The following RMI2 variants were observed in gnomAD, a reference collection of about 807,000 sequenced individuals.
The protein encoded by RMI2 is recQ-mediated genome instability protein 2.
RMI2 carries 11 observed loss-of-function variants against 8.4 expected under a neutral mutation model. That is an observed-to-expected ratio of 1.32 (90% CI 0.83 to 2.18). The LOEUF (loss-of-function observed/expected upper bound fraction) is 2.18. Among genes scored for constraint, RMI2 ranks in the 30% most tolerant of loss-of-function variants. RMI2 has a pLI of 0.00. For synonymous variants in RMI2, 105 were observed against 93.8 expected (o/e 1.12, Z -0.69); for missense variants, 253 against 207.5 (o/e 1.22, Z -1.35).
intron 1 of RMI2, among the ~76,000 whole-genome samples, chr16:11,346,101 C>T (rs189817364): frequency 6.6e-6 from 1 of 152,322 alleles, no homozygotes; most frequent in South Asian, 2.1e-4. Flanking sequence ...TTGGGAAATA[C>T]TGTCCTGGGA....
rs955636957 is a variant in RMI2, at chr16:11,350,632, C to A, written c.296-10C>A. ...AAGAACATTACTATGGGCTTTTCTT[C>A]TTTTTCTAGGAAAGTATGTGATGGT... On this transcript the variant is annotated splice_polypyrimidine_tract_variant and intron_variant, in intron 1 of 1. Transcript: ENST00000312499. 6.5e-7 allele frequency: 1 copy of A among 1,536,740 alleles called. No individual in the cohort carries two copies. The highest frequency in any genetic ancestry group is 1.2e-5 in the South Asian group (1 of 80,636).
intron 1 of RMI2, among the ~76,000 whole-genome samples, chr16:11,346,498 T>G: frequency 6.6e-6 from 1 of 152,118 alleles, no homozygotes. Context: ...TGGCCTCAAG[T>G]GATCTGCTCA....
rs1305290798 is a variant in RMI2, at chr16:11,350,990, TTGC to T, written c.*202_*204del. Reference sequence around the variant, plus strand: ...TCAGTGACACAGCCTCTGCTGCCCCTTGCTTTGCCTGTGTTTGCTGATGAAAAG... The same window carrying T: ...TCAGTGACACAGCCTCTGCTGCCCCTTTTGCCTGTGTTTGCTGATGAAAAG... On this transcript the variant is annotated 3_prime_UTR_variant, in exon 2 of 2. Coordinates refer to ENST00000312499, the MANE Select transcript of RMI2 (RefSeq NM_152308.3). 4 of 427,936 alleles carry T rather than the reference TTGC, an allele frequency of 9.3e-6. No homozygotes were observed. The highest frequency in any genetic ancestry group is 6.0e-4 in the Middle Eastern group (1 of 1,666). The allele number at this position is 427,936 out of a possible 1,614,324, so 26.5% of individuals were successfully genotyped here.
chr16:11,346,257 T>C (rs1017450058), intron 1 of RMI2, among the ~76,000 whole-genome samples: 2 of 105,724 alleles, frequency 1.9e-5, no homozygotes, highest in South Asian at 2.8e-4. Context: ...CCTCCTCTCT[T>C]TTTTTTTTTT....
At chr16:11,347,815 C>G (rs2070898946) in intron 1 of RMI2, among the ~76,000 whole-genome samples, 1 of 152,234 alleles carries the variant, frequency 6.6e-6, no homozygotes, top group African/African-American at 2.4e-5. Context: ...GAATCTCGCT[C>G]TGTCTCTCAG....
At chr16:11,347,295 C>T (rs1190987311) in intron 1 of RMI2, among the ~76,000 whole-genome samples, 3 of 152,182 alleles carry the variant, frequency 2.0e-5, no homozygotes, top group South Asian at 2.1e-4. Flanking sequence ...TCCCTCACCT[C>T]AGCTCCCTCT....
In RMI2 at chr16:11,350,871, C is replaced by G. The variant is rs993281193; in HGVS notation, c.*81C>G. ...TATAATGATGTGGATTTCATGGACA[C>G]TTTTCAATGCGTATTTTTCAAATGC... On this transcript the variant is annotated 3_prime_UTR_variant, in exon 2 of 2. Transcript: ENST00000312499. 45 of 1,160,216 alleles carry G rather than the reference C, an allele frequency of 3.9e-5. No homozygotes were observed. The South Asian group carries it at 6.8e-4, about 18-fold the overall frequency. The allele number at this position is 1,160,216 out of a possible 1,614,324, so 71.9% of individuals were successfully genotyped here.
intron 1 of RMI2, among the ~76,000 whole-genome samples, chr16:11,350,089 C>G (rs2070944522): frequency 1.3e-5 from 2 of 152,198 alleles, no homozygotes; most frequent in Admixed American, 1.3e-4. Flanking sequence ...CAGAGGGTGT[C>G]TGCAGAAAGA....
At chr16:11,350,068 T>G (rs2070944196) in intron 1 of RMI2, among the ~76,000 whole-genome samples, 1 of 152,134 alleles carries the variant, frequency 6.6e-6, no homozygotes, top group Non-Finnish European at 1.5e-5. Flanking sequence ...ATTGGATTGC[T>G]TAGTAACTGT....
intron 1 of RMI2, among the ~76,000 whole-genome samples, chr16:11,346,899 A>T (rs751758913): frequency 1.6e-4 from 24 of 152,194 alleles, no homozygotes; most frequent in Non-Finnish European, 3.1e-4. Flanking sequence ...TTTGGGGGCC[A>T]TACTTTGAGA....
Position 11,345,501 on chromosome 16 carries a change from C to A in RMI2, c.30C>A (p.Gly10=), listed in dbSNP as rs1483746131. 16 of 1,311,856 alleles carry A rather than the reference C, an allele frequency of 1.2e-5. No homozygotes were observed. Among genetic ancestry groups the A allele is most frequent in the Non-Finnish European group, 2.0e-6 (2 of 1,025,502 alleles). The allele number at this position is 1,311,856 out of a possible 1,614,324, so 81.3% of individuals were successfully genotyped here. A position where few individuals can be genotyped will look rare whatever the true frequency, so the allele number is the denominator to read the frequency against. The change falls in exon 1 of 2, where the codon GGC becomes GGA. Residue 10 remains glycine, a synonymous_variant. Coordinates refer to ENST00000312499, the MANE Select transcript of RMI2 (RefSeq NM_152308.3). ...CGGCGGCTGCGGACTCGTTCTCAGG[C>A]GGCCCCGCGGGGGTGCGGCTTCCGA... MAAAADSFS[G]GPAGVRLPRS... is the part of the protein sequence containing the mutation.
At position 11,349,716 on chromosome 16, in the gene RMI2, G is replaced by T. The variant is rs1355739153; in HGVS notation, c.296-926G>T. Reference sequence around the variant, plus strand: ...AGGGGTCAGCTTGCCTGGGGCTTCAGTCAAAGCCCCAGGCCCCACGTGCAG... The same window carrying T: ...AGGGGTCAGCTTGCCTGGGGCTTCATTCAAAGCCCCAGGCCCCACGTGCAG... On this transcript the variant is annotated intron_variant, in intron 1 of 1. Coordinates refer to ENST00000312499, the MANE Select transcript of RMI2 (RefSeq NM_152308.3). The surrounding 1 kb of genome is among the most constrained non-coding windows in gnomAD (Gnocchi z 4.2). Among the ~76,000 whole-genome samples the T allele has an allele frequency of 6.6e-6, 1 of 152,186 alleles. No individual in the cohort carries two copies. The highest frequency in any genetic ancestry group is 1.5e-5 in the Non-Finnish European group (1 of 68,026).
Position 11,345,686 on chromosome 16 carries a change from C to A in RMI2, c.215C>A (p.Ala72Asp). ...GRVVMADRGE[A>D]RLRDPSGDFS... is the part of the protein sequence containing the mutation. The stretch of plus-strand genomic sequence containing the variant: ...GTAGTGATGGCGGACCGCGGCGAGG[C>A]TCGGCTGAGGGACCCGAGCGGGGAC... The change falls in exon 1 of 2, where the codon GCT becomes GAT. Residue 72 changes from alanine to aspartate, a missense_variant. Transcript: ENST00000312499. 1 of 1,271,162 alleles carries A rather than the reference C, an allele frequency of 7.9e-7. No homozygotes were observed. Among genetic ancestry groups the A allele is most frequent in the South Asian group, 3.6e-5 (1 of 28,028 alleles). The allele number at this position is 1,271,162 out of a possible 1,614,324, so 78.7% of individuals were successfully genotyped here. A position where few individuals can be genotyped will look rare whatever the true frequency, so the allele number is the denominator to read the frequency against.
chr16:11,345,686 C>G lies in RMI2; in HGVS notation c.215C>G (p.Ala72Gly). ...GTAGTGATGGCGGACCGCGGCGAGG[C>G]TCGGCTGAGGGACCCGAGCGGGGAC... The part of the protein sequence containing the change: ...GRVVMADRGE[A>G]RLRDPSGDFS... Residue 72 changes from alanine (A) to glycine (G), a missense_variant, in exon 1 of 2, where the codon GCT becomes GGT. Ala to Gly is a moderately conservative substitution (Grantham distance 60). Transcript: ENST00000312499. The G allele has an allele frequency of 7.9e-7, 1 of 1,271,162 alleles. No individual in the cohort carries two copies. Among genetic ancestry groups the G allele is most frequent in the Non-Finnish European group, 9.9e-7 (1 of 1,010,344 alleles). 78.7% of individuals were successfully genotyped at this position (1,271,162 alleles called of 1,614,324 possible).
At chr16:11,347,578 C>T (rs1042413484) in intron 1 of RMI2, among the ~76,000 whole-genome samples, 1 of 152,148 alleles carries the variant, frequency 6.6e-6, no homozygotes, top group Non-Finnish European at 1.5e-5. Context: ...AGTACTGCAC[C>T]TGGCTCACAG....
Position 11,351,363 on chromosome 16 carries a change from G to A in RMI2, c.*573G>A, listed in dbSNP as rs147928965. On this transcript the variant is annotated 3_prime_UTR_variant, in exon 2 of 2. Coordinates refer to ENST00000312499, the MANE Select transcript of RMI2 (RefSeq NM_152308.3). The stretch of plus-strand genomic sequence containing the variant: ...AAGACAACAGCTCCCTTTCTGCTTC[G>A]GACACCACTCAAACATTTAGACGCA... 3.9e-5 allele frequency: 9 copies of A among 232,548 alleles called. No homozygotes were observed. The highest frequency in any genetic ancestry group is 6.6e-5 in the African/African-American group (3 of 45,418). 14.4% of individuals were successfully genotyped at this position (232,548 alleles called of 1,614,324 possible).
At chr16:11,347,868 C>G (rs933953031) in intron 1 of RMI2, among the ~76,000 whole-genome samples, 6 of 152,350 alleles carry the variant, frequency 3.9e-5, no homozygotes, top group African/African-American at 1.4e-4. Flanking sequence ...GCAACCTCCA[C>G]CTCCTGGGTT....
Position 11,345,762 on chromosome 16 carries a change from C to T in RMI2, c.291C>T (p.Val97=). The change falls in exon 1 of 2, where the codon GTC becomes GTT. Residue 97 remains valine, a synonymous_variant. Transcript: ENST00000312499. ...TGCCGCGCGGGCGGCCCTGTCTAGT[C>T]CCAGGTAATGCCCGGGCCTTACCGG... ...ERVPRGRPCL[V]PGKYVMVMGV... is the part of the protein sequence containing the mutation. 2 of 1,237,590 alleles carry T rather than the reference C, an allele frequency of 1.6e-6. No homozygotes were observed. The highest frequency in any genetic ancestry group is 4.0e-5 in the South Asian group (1 of 24,950). 76.7% of individuals were successfully genotyped at this position (1,237,590 alleles called of 1,614,324 possible). A position where few individuals can be genotyped will look rare whatever the true frequency, so the allele number is the denominator to read the frequency against.
chr16:11,351,445 G>A lies in RMI2; in HGVS notation c.*655G>A, dbSNP rs182339063. ...ATGCCTTCTTCCATTACTCAGAGAT[G>A]TTGAGACGTTTTCAGAATTTCTTGT... On this transcript the variant is annotated 3_prime_UTR_variant, in exon 2 of 2. Transcript: ENST00000312499. 158 of 232,034 alleles carry A rather than the reference G, an allele frequency of 6.8e-4. No homozygotes were observed. Among genetic ancestry groups the A allele is most frequent in the Middle Eastern group, 5.1e-3 (4 of 778 alleles). 14.4% of individuals were successfully genotyped at this position (232,034 alleles called of 1,614,324 possible). A position where few individuals can be genotyped will look rare whatever the true frequency, so the allele number is the denominator to read the frequency against.
Sources: gnomAD v4.1 joint callset for allele counts (sites outside exome capture counted in the v4.1 genomes callset) on GRCh38, gnomAD v4.1.1 for gene constraint, Gnocchi (gnomAD v3.1) non-coding constraint, MANE v1.5 for transcripts, NCBI Gene and HGNC (gene_info 2026-07-23, HGNC 2026-07-21) for gene names.